The following GLYATL2 variants were observed in gnomAD, a reference collection of about 807,000 sequenced individuals.
GLYATL2 encodes glycine N-acyltransferase-like protein 2.
Under a neutral mutation model 21.4 loss-of-function variants are expected in GLYATL2, and 25 were observed. That is an observed-to-expected ratio of 1.17 (90% CI 0.85 to 1.63). The LOEUF (loss-of-function observed/expected upper bound fraction) is 1.63. Among genes scored for constraint, GLYATL2 ranks in the 40% most tolerant of loss-of-function variants. The pLI, the probability that GLYATL2 is intolerant of heterozygous loss-of-function variation, is 0.00. For missense variants in GLYATL2, 361 were observed against 343.3 expected (o/e 1.05, Z -0.41); for synonymous variants, 114 against 118.2 (o/e 0.96, Z 0.23).
intron 5 of GLYATL2, among the ~76,000 whole-genome samples, chr11:58,836,228 A>AT (rs566656809): frequency 2.6e-3 from 387 of 151,558 alleles, no homozygotes; most frequent in Non-Finnish European, 4.5e-3. Context: ...TATCCACCTT[A>AT]TTTTTTTTCA....
intron 1 of GLYATL2, among the ~76,000 whole-genome samples, chr11:58,880,581 T>C (rs1854315420): frequency 1.3e-5 from 2 of 152,270 alleles, no homozygotes; most frequent in Admixed American, 6.5e-5. Flanking sequence ...CACAAGTGTA[T>C]GGGTAATTTT....
intron 1 of GLYATL2, among the ~76,000 whole-genome samples, chr11:58,852,485 A>G (rs1164695514): frequency 7.9e-5 from 12 of 152,234 alleles, no homozygotes; most frequent in Non-Finnish European, 1.8e-4. Context: ...CAAACTTCTT[A>G]GTATATTGTT....
intron 1 of GLYATL2, among the ~76,000 whole-genome samples, chr11:58,873,222 A>C (rs1027616359): frequency 5.9e-5 from 9 of 151,496 alleles, no homozygotes; most frequent in Middle Eastern, 3.4e-3. Flanking sequence ...ACAATCATGT[A>C]ATGTGCAAAC....
chr11:58,892,693 A>G, intron 1 of GLYATL2: 1 of 357,632 alleles, frequency 2.8e-6, no homozygotes, highest in Non-Finnish European at 5.4e-6. Context: ...AGGGGATAAG[A>G]GCAGCTGCAT....
rs1402449813 is a variant in GLYATL2 at position 58,844,522 on chromosome 11, G to A, written c.-129C>T. The A allele has an allele frequency of 1.3e-5, 2 of 152,116 alleles. No homozygotes were observed. Among genetic ancestry groups the A allele is most frequent in the African/African-American group, 4.8e-5 (2 of 41,432 alleles). 9.4% of individuals were successfully genotyped at this position (152,116 alleles called of 1,614,324 possible). On this transcript the variant is annotated 5_prime_UTR_variant, in exon 1 of 6. Transcript: ENST00000287275. ...AAGGTTTCTGTAGCTAATACTCTACGGACTGAAACACAATAAAATTCAACT... is the reference window on the plus strand; with the variant it reads ...AAGGTTTCTGTAGCTAATACTCTACAGACTGAAACACAATAAAATTCAACT...
chr11:58,907,441 C>T, upstream of GLYATL2: 1 of 450,082 alleles, frequency 2.2e-6, no homozygotes, highest in Admixed American at 2.4e-5. Context: ...ATGTCTAGTT[C>T]CTTGCAAACC....
At chr11:58,900,336 G>T (rs1854714735) in intron 1 of GLYATL2, among the ~76,000 whole-genome samples, 1 of 152,182 alleles carries the variant, frequency 6.6e-6, no homozygotes, top group African/African-American at 2.4e-5. Flanking sequence ...GGGCAACTTA[G>T]TTGAGGTTTC....
chr11:58,902,524 A>G (rs1253830506), intron 1 of GLYATL2, among the ~76,000 whole-genome samples: 3 of 152,196 alleles, frequency 2.0e-5, no homozygotes, highest in Non-Finnish European at 2.9e-5. Context: ...TACAGACATC[A>G]GCCTACTGTT....
chr11:58,834,576 T>G lies in GLYATL2; in HGVS notation c.738A>C (p.Glu246Asp). The G allele has an allele frequency of 6.2e-7, 1 of 1,614,036 alleles. No homozygotes were observed. Among genetic ancestry groups the G allele is most frequent in the South Asian group, 1.1e-5 (1 of 91,056 alleles). ...GNMLQIGYHL[E>D]KYLSQKEIPF... ...GGATTTCTTTCTGAGAAAGATACTTTTCAAGATGATAACCAATTTGCAACA... is the reference window on the plus strand; with the variant it reads ...GGATTTCTTTCTGAGAAAGATACTTGTCAAGATGATAACCAATTTGCAACA... Residue 246 changes from glutamate to aspartate, a missense_variant, in exon 6 of 6, where the codon GAA becomes GAC. Glu to Asp is a conservative substitution (Grantham distance 45, BLOSUM62 2). Coordinates refer to ENST00000287275, the MANE Select transcript of GLYATL2 (RefSeq NM_145016.4).
At chr11:58,843,438 G>A (rs1853588195) in intron 1 of GLYATL2, among the ~76,000 whole-genome samples, 2 of 152,194 alleles carry the variant, frequency 1.3e-5, no homozygotes, top group Non-Finnish European at 2.9e-5. Flanking sequence ...TGATTTGGAA[G>A]TGTTACTCAA....
At position 58,901,307 on chromosome 11, in the gene GLYATL2, G is replaced by A. The variant is rs147888234; in HGVS notation, n.60+2849C>T. On this transcript the variant is annotated intron_variant and non_coding_transcript_variant, in intron 1 of 4. Transcript: ENST00000533636. ...GATGGAGCTCAGCGATATGTGTTTT[G>A]ACCAGCTCACAATAAGATTTTCATG... is the stretch of plus-strand genomic sequence containing the variant. Among the ~76,000 whole-genome samples the A allele has an allele frequency of 2.6e-5, 4 of 152,204 alleles. No individual in the cohort carries two copies. In the East Asian group the frequency reaches 7.7e-4, roughly 29 times the overall value.
chr11:58,903,471 G>C (rs368526035), intron 1 of GLYATL2, among the ~76,000 whole-genome samples: 1 of 152,038 alleles, frequency 6.6e-6, no homozygotes, highest in African/African-American at 2.4e-5. Context: ...TCAGGAGTTC[G>C]ACCCCAGACT....
intron 1 of GLYATL2, among the ~76,000 whole-genome samples, chr11:58,888,383 T>G (rs1046929632): frequency 6.6e-5 from 10 of 152,030 alleles, no homozygotes; most frequent in African/African-American, 2.4e-4. Context: ...ATTAGGAAGA[T>G]TTTTCCTACT....
At chr11:58,881,634 A>C (rs1411519950) in intron 1 of GLYATL2, among the ~76,000 whole-genome samples, 1 of 152,102 alleles carries the variant, frequency 6.6e-6, no homozygotes, top group African/African-American at 2.4e-5. Context: ...CATGTGCACA[A>C]TGTGCAGGTT....
At chr11:58,870,060 A>G (rs1485614863) in intron 1 of GLYATL2, among the ~76,000 whole-genome samples, 1 of 152,108 alleles carries the variant, frequency 6.6e-6, no homozygotes, top group Non-Finnish European at 1.5e-5. Flanking sequence ...GTGAGTTATG[A>G]TCCAGCCACT....
upstream of GLYATL2, among the ~76,000 whole-genome samples, chr11:58,848,998 A>G (rs1212408571): frequency 6.6e-6 from 1 of 152,254 alleles, no homozygotes; most frequent in Non-Finnish European, 1.5e-5. Flanking sequence ...TACATCTGAC[A>G]GCAGATTTTT....
intron 1 of GLYATL2, among the ~76,000 whole-genome samples, chr11:58,881,143 A>G (rs1044261413): frequency 2.6e-5 from 4 of 152,192 alleles, no homozygotes; most frequent in Admixed American, 2.0e-4. Flanking sequence ...TATGTTAAAT[A>G]TTGTTCTTAC....
intron 1 of GLYATL2, among the ~76,000 whole-genome samples, chr11:58,842,330 G>A (rs1354433538): frequency 6.6e-6 from 1 of 152,122 alleles, no homozygotes. Flanking sequence ...ATCAAATAAT[G>A]TCATTTTGTT....
upstream of GLYATL2, chr11:58,907,740 A>C (rs1247149314): frequency 4.9e-6 from 1 of 204,860 alleles, no homozygotes; most frequent in Non-Finnish European, 1.0e-5. Context: ...AAATTTTTAC[A>C]TTCCTATCAA....
Sources: gnomAD v4.1 joint callset for allele counts (sites outside exome capture counted in the v4.1 genomes callset) on GRCh38, gnomAD v4.1.1 for gene constraint, MANE v1.5 for transcripts, NCBI Gene and HGNC (gene_info 2026-07-23, HGNC 2026-07-21) for gene names.